C10orf88: variants seen among roughly 807,000 people sequenced by gnomAD.
C10orf88 encodes the protein chromosome 10 open reading frame 88, also known as ATPase PAAT.
A neutral mutation model predicts 34.2 loss-of-function variants in C10orf88; 29 were observed. The observed-to-expected ratio is 0.85, with a 90% CI of 0.63 to 1.16. The LOEUF (loss-of-function observed/expected upper bound fraction) is 1.16. C10orf88 is among the 50% of genes most tolerant of loss of function. C10orf88 has a pLI of 0.00. For synonymous variants in C10orf88, 194 were observed against 197.4 expected (o/e 0.98, Z 0.15); for missense variants, 507 against 533.2 (o/e 0.95, Z 0.48).
At position 122,932,015 on chromosome 10, in the gene C10orf88, G is replaced by A. The variant is rs1325233305; in HGVS notation, c.*412C>T. The A allele has an allele frequency of 6.5e-6, 1 of 153,418 alleles. No individual in the cohort carries two copies. The highest frequency in any genetic ancestry group is 2.4e-5 in the African/African-American group (1 of 41,424). 9.5% of individuals were successfully genotyped at this position (153,418 alleles called of 1,614,324 possible). A position where few individuals can be genotyped will look rare whatever the true frequency, so the allele number is the denominator to read the frequency against. ...AAGTCTTAAGTATCCAATTTTCCAA[G>A]ATAATTAGAAAAAGAAAAAAATCAA... On this transcript the variant is annotated 3_prime_UTR_variant, in exon 6 of 6. Transcript: ENST00000481909.
At chr10:122,951,908 A>G in intron 3 of C10orf88, 46 bp downstream of exon 3, 1 of 1,204,826 alleles carries the variant, frequency 8.3e-7, no homozygotes, top group Non-Finnish European at 1.2e-6. Flanking sequence ...TACACAGAGT[A>G]CAAAAACAAC....
At chr10:122,945,040 G>GTA (rs1375209113) in intron 4 of C10orf88, among the ~76,000 whole-genome samples, 31 of 149,972 alleles carry the variant, frequency 2.1e-4, no homozygotes, top group Admixed American at 8.7e-4. Context: ...GTATATATGT[G>GTA]TATATATATA....
intron 4 of C10orf88, among the ~76,000 whole-genome samples, chr10:122,945,144 A>G (rs544328593): frequency 9.2e-5 from 14 of 151,970 alleles, no homozygotes; most frequent in African/African-American, 2.9e-4. Context: ...TTGGTCCACA[A>G]TGGACCCACA....
At chr10:122,935,974 A>G (rs533377056) in intron 5 of C10orf88, among the ~76,000 whole-genome samples, 1 of 151,858 alleles carries the variant, frequency 6.6e-6, no homozygotes, top group African/African-American at 2.4e-5. Context: ...GCTAATACTG[A>G]CTTCACAGAA....
intron 4 of C10orf88, among the ~76,000 whole-genome samples, chr10:122,943,686 C>T (rs1303179556): frequency 6.6e-6 from 1 of 151,952 alleles, no homozygotes; most frequent in African/African-American, 2.4e-5. Flanking sequence ...AAGAAAAAAA[C>T]AAACAACCCC....
intron 3 of C10orf88, 59 bp downstream of exon 3, chr10:122,951,895 G>T: frequency 9.8e-7 from 1 of 1,025,484 alleles, no homozygotes; most frequent in Non-Finnish European, 1.5e-6. Context: ...AAGAAAACAA[G>T]CATACACAGA....
At position 122,953,467 on chromosome 10, in the gene C10orf88, C is replaced by A. The variant is rs1267920510; in HGVS notation, c.165-435G>T. Among the ~76,000 whole-genome samples the A allele has an allele frequency of 2.0e-5, 3 of 152,152 alleles. No homozygotes were observed. In the South Asian group the frequency reaches 6.2e-4, roughly 32 times the overall value. ...AGAAGCGCTCAACACAGAATTCATACGGAAATGAAGGTGTCACACATCAGG... is the reference window on the plus strand; with the variant it reads ...AGAAGCGCTCAACACAGAATTCATAAGGAAATGAAGGTGTCACACATCAGG... On this transcript the variant is annotated intron_variant, in intron 1 of 5. Coordinates refer to ENST00000481909, the MANE Select transcript of C10orf88 (RefSeq NM_024942.4).
At chr10:122,938,183 GTTAATA>G in intron 4 of C10orf88, 24 bp from the exon 5 acceptor site, 3 of 1,534,860 alleles carry the variant, frequency 2.0e-6, no homozygotes, top group African/African-American at 1.4e-5. Context: ...ACAAGTAAAT[GTTAATA>G]TTAATAACAC....
chr10:122,953,930 AG>A lies in C10orf88; in HGVS notation c.164+84del, dbSNP rs2133338935. 2.3e-6 allele frequency: 3 copies of A among 1,290,734 alleles called. No individual in the cohort carries two copies. The East Asian group carries it at 1.1e-4, about 48-fold the overall frequency. The allele number at this position is 1,290,734 out of a possible 1,614,324, so 80.0% of individuals were successfully genotyped here. On this transcript the variant is annotated intron_variant, in intron 1 of 5. Coordinates refer to ENST00000481909, the MANE Select transcript of C10orf88 (RefSeq NM_024942.4). ...AACTGCTCTCCCGGATCCCGGGCTC[AG>A]ACCCTCTCGCCTCCCCTCACAGCTC...
intron 5 of C10orf88, among the ~76,000 whole-genome samples, chr10:122,937,336 T>C (rs1347402854): frequency 6.6e-6 from 1 of 151,986 alleles, no homozygotes; most frequent in Non-Finnish European, 1.5e-5. Context: ...AATGTCACAA[T>C]GACATGCTTA....
intron 5 of C10orf88, among the ~76,000 whole-genome samples, chr10:122,935,127 C>T (rs191241008): frequency 6.6e-6 from 1 of 152,132 alleles, no homozygotes; most frequent in African/African-American, 2.4e-5. Context: ...TTTAATTCCC[C>T]TAACAGTGTC....
rs192505725 is a variant in C10orf88 at position 122,946,279 on chromosome 10, C to A, written c.648+2370G>T. 5.7e-3 allele frequency among the ~76,000 whole-genome samples: 866 copies of A among 152,198 alleles called. 3 individuals are homozygous for A. The highest frequency in any genetic ancestry group is 9.8e-3 in the Non-Finnish European group (664 of 67,998). On this transcript the variant is annotated intron_variant, in intron 4 of 5. Transcript: ENST00000481909. The stretch of plus-strand genomic sequence containing the variant: ...TTACCTAGAGTAACTTCTAGTCCTG[C>A]AAGTTCAGTTCATGGTAAGTGCCCT...
intron 4 of C10orf88, among the ~76,000 whole-genome samples, chr10:122,940,153 T>C (rs1245753841): frequency 1.3e-5 from 2 of 151,974 alleles, no homozygotes; most frequent in Non-Finnish European, 2.9e-5. Context: ...ACAACCTAAA[T>C]GTCCATTGAC....
At chr10:122,951,217 C>T (rs1021839465) in intron 3 of C10orf88, among the ~76,000 whole-genome samples, 1 of 152,182 alleles carries the variant, frequency 6.6e-6, no homozygotes, top group Non-Finnish European at 1.5e-5. Flanking sequence ...TTGCTTGAAA[C>T]TTCTCTAATT....
chr10:122,932,167 T>C lies in C10orf88; in HGVS notation c.*260A>G. 3.0e-6 allele frequency: 1 copy of C among 330,848 alleles called. No homozygotes were observed. Among genetic ancestry groups the C allele is most frequent in the Non-Finnish European group, 5.5e-6 (1 of 181,424 alleles). 20.5% of individuals were successfully genotyped at this position (330,848 alleles called of 1,614,324 possible). On this transcript the variant is annotated 3_prime_UTR_variant, in exon 6 of 6. Coordinates refer to ENST00000481909, the MANE Select transcript of C10orf88 (RefSeq NM_024942.4). The stretch of plus-strand genomic sequence containing the variant: ...TTAGAAATCCTCAAGCATTTTAAAC[T>C]CTTAACACAAATATACATACATTTC...
intron 4 of C10orf88, among the ~76,000 whole-genome samples, chr10:122,938,745 C>G (rs776344555): frequency 1.3e-5 from 2 of 151,924 alleles, no homozygotes; most frequent in Non-Finnish European, 2.9e-5. Flanking sequence ...CTACTTCTGG[C>G]TGTGTTTGCT....
intron 5 of C10orf88, among the ~76,000 whole-genome samples, chr10:122,934,849 C>T (rs1351485010): frequency 1.3e-5 from 2 of 152,072 alleles, no homozygotes; most frequent in Non-Finnish European, 2.9e-5. Context: ...AAATTTTAGC[C>T]ATCCAAATAT....
intron 4 of C10orf88, among the ~76,000 whole-genome samples, chr10:122,939,721 T>A (rs1395562767): frequency 6.6e-6 from 1 of 151,970 alleles, no homozygotes; most frequent in Non-Finnish European, 1.5e-5. Flanking sequence ...GGAAAGCCCA[T>A]TTATTTCTCT....
rs987074283 is a variant in C10orf88, at chr10:122,938,280, G to A, written c.649-121C>T. On this transcript the variant is annotated intron_variant, in intron 4 of 5. Transcript: ENST00000481909. The stretch of plus-strand genomic sequence containing the variant: ...CCAATCCTCAAAACATCCTTATAAA[G>A]TAGGCCACTAATACTATCCCAATAT... 51 of 849,792 alleles carry A rather than the reference G, an allele frequency of 6.0e-5. No individual in the cohort carries two copies. In the East Asian group the frequency reaches 7.1e-4, roughly 12 times the overall value. The allele number at this position is 849,792 out of a possible 1,614,324, so 52.6% of individuals were successfully genotyped here.
Sources: gnomAD v4.1 joint callset for allele counts (sites outside exome capture counted in the v4.1 genomes callset) on GRCh38, gnomAD v4.1.1 for gene constraint, MANE v1.5 for transcripts, NCBI Gene and HGNC (gene_info 2026-07-23, HGNC 2026-07-21) for gene names.